EFHC1: variants seen among roughly 807,000 people sequenced by gnomAD.
EFHC1 encodes EF-hand domain-containing protein 1.
EFHC1 carries 53 observed loss-of-function variants against 69.9 expected under a neutral mutation model. The observed-to-expected ratio is 0.76, with a 90% CI of 0.61 to 0.95. EFHC1 has a LOEUF of 0.95. Among genes scored for constraint, EFHC1 ranks in the 40% least tolerant of loss-of-function variants. EFHC1 has a pLI of 0.00. For missense variants in EFHC1, 739 were observed against 798.7 expected (o/e 0.93, Z 0.90); for synonymous variants, 256 against 278.4 (o/e 0.92, Z 0.80).
intron 9 of EFHC1, chr6:52,485,686 CTT>C (rs1299170498): frequency 6.6e-6 from 1 of 152,196 alleles, no homozygotes; most frequent in Non-Finnish European, 1.5e-5. Context: ...CTCTCTCTCT[CTT>C]GCCTCTTCTC....
rs953684457 is a variant in EFHC1 at position 52,496,195 on chromosome 6, T to TACAC, written c.*3863_*3866dup. 2.0e-5 allele frequency: 3 copies of TACAC among 153,070 alleles called. No individual in the cohort carries two copies. The highest frequency in any genetic ancestry group is 6.0e-5 in the Admixed American group (1 of 16,800). 9.5% of individuals were successfully genotyped at this position (153,070 alleles called of 1,614,324 possible). On this transcript the variant is annotated 3_prime_UTR_variant, in exon 11 of 11. Transcript: ENST00000371068. ...CCACCAGGGAGTTGAAAGATTCTAA[T>TACAC]ACACACACACACCCACACACACACA...
In EFHC1 at chr6:52,464,930, C is replaced by G; in HGVS notation, c.952C>G (p.Gln318Glu). ...TCAGTGTGTGCTAGAAATCTCTGAC[C>G]AAGAAGTGTTGGAATGGTATACTGC... ...FPQCVLEISD[Q>E]EVLEWYTAKD... The change falls in exon 6 of 11, where the codon CAA becomes GAA. Residue 318 changes from glutamine to glutamate, a missense_variant. By Grantham distance (29) the Gln-to-Glu change is conservative. Transcript: ENST00000371068. 6.2e-7 allele frequency: 1 copy of G among 1,614,032 alleles called. No individual in the cohort carries two copies. Among genetic ancestry groups the G allele is most frequent in the Non-Finnish European group, 8.5e-7 (1 of 1,179,996 alleles).
At position 52,473,932 on chromosome 6, in the gene EFHC1, T is replaced by G. The variant is rs377519879; in HGVS notation, c.1278+4459T>G. ...TACAGAAATCAACCAAGATCTTATA[T>G]TCAGAATATATAAAGAACACTCTGA... On this transcript the variant is annotated intron_variant, in intron 7 of 10. Coordinates refer to ENST00000371068, the MANE Select transcript of EFHC1 (RefSeq NM_018100.4). Among the ~76,000 whole-genome samples the G allele has an allele frequency of 1.6e-4, 24 of 152,298 alleles. No homozygotes were observed. In the East Asian group the frequency reaches 3.1e-3, roughly 20 times the overall value.
At chr6:52,433,746 A>G (rs1329867888) in intron 2 of EFHC1, among the ~76,000 whole-genome samples, 3 of 152,148 alleles carry the variant, frequency 2.0e-5, no homozygotes, top group Non-Finnish European at 2.9e-5. Flanking sequence ...TCCCAAGAGT[A>G]TATGCCCTTT....
intron 2 of EFHC1, among the ~76,000 whole-genome samples, chr6:52,431,269 C>T (rs1358473432): frequency 6.6e-6 from 1 of 151,800 alleles, no homozygotes; most frequent in Non-Finnish European, 1.5e-5. Flanking sequence ...TCTTGTTTTT[C>T]TAGTTCCTTG....
In EFHC1 at chr6:52,494,870, C is replaced by T. The variant is rs879337030; in HGVS notation, c.*2529C>T. On this transcript the variant is annotated 3_prime_UTR_variant, in exon 11 of 11. Transcript: ENST00000371068. ...GCTGCATCCATGTTGCTGCAGAATACATGATTTCATTTTTTATGGCTGCGT... is the reference window on the plus strand; with the variant it reads ...GCTGCATCCATGTTGCTGCAGAATATATGATTTCATTTTTTATGGCTGCGT... 1.3e-5 allele frequency: 6 copies of T among 451,312 alleles called. No individual in the cohort carries two copies. The highest frequency in any genetic ancestry group is 2.2e-5 in the Non-Finnish European group (5 of 224,784). The allele number at this position is 451,312 out of a possible 1,614,324, so 28.0% of individuals were successfully genotyped here.
At chr6:52,463,317 C>T (rs1162701235) in intron 5 of EFHC1, among the ~76,000 whole-genome samples, 8 of 151,860 alleles carry the variant, frequency 5.3e-5, no homozygotes, top group Admixed American at 1.3e-4. Context: ...CCACTGTGCC[C>T]GGCCAAAACG....
chr6:52,460,465 C>T (rs990552410), intron 5 of EFHC1, among the ~76,000 whole-genome samples: 1 of 152,116 alleles, frequency 6.6e-6, no homozygotes, highest in Admixed American at 6.6e-5. Flanking sequence ...TGGGTAAATA[C>T]ATATGTCAAG....
intron 9 of EFHC1, chr6:52,484,238 C>A (rs954075063): frequency 1.3e-5 from 2 of 152,058 alleles, no homozygotes; most frequent in African/African-American, 4.8e-5. Context: ...CTCAAACTTC[C>A]GGGTCTTGAG....
In EFHC1 at chr6:52,494,461, T is replaced by C. The variant is rs1339805078; in HGVS notation, c.*2120T>C. The C allele has an allele frequency of 2.2e-6, 1 of 454,112 alleles. No homozygotes were observed. Among genetic ancestry groups the C allele is most frequent in the Non-Finnish European group, 4.4e-6 (1 of 226,784 alleles). The allele number at this position is 454,112 out of a possible 1,614,324, so 28.1% of individuals were successfully genotyped here. A position where few individuals can be genotyped will look rare whatever the true frequency, so the allele number is the denominator to read the frequency against. Reference sequence around the variant, plus strand: ...TAGCCCATGTAGGCTCTGGGAAAGGTTAAGCGGGTAGAAACCAGAGAAAAA... The same window carrying C: ...TAGCCCATGTAGGCTCTGGGAAAGGCTAAGCGGGTAGAAACCAGAGAAAAA... On this transcript the variant is annotated 3_prime_UTR_variant, in exon 11 of 11. Coordinates refer to ENST00000371068, the MANE Select transcript of EFHC1 (RefSeq NM_018100.4).
intron 3 of EFHC1, among the ~76,000 whole-genome samples, chr6:52,446,814 T>C (rs2113987459): frequency 6.6e-6 from 1 of 152,332 alleles, no homozygotes; most frequent in South Asian, 2.1e-4. Flanking sequence ...TCTCCTTCAC[T>C]TATGAAGCTT....
intron 7 of EFHC1, among the ~76,000 whole-genome samples, chr6:52,474,534 A>G (rs1214464134): frequency 6.6e-6 from 1 of 152,218 alleles, no homozygotes; most frequent in East Asian, 1.9e-4. Flanking sequence ...GGTGCAATAT[A>G]TGTTCACCAA....
intron 3 of EFHC1, among the ~76,000 whole-genome samples, chr6:52,441,418 G>A (rs1380530283): frequency 6.6e-6 from 1 of 152,128 alleles, no homozygotes; most frequent in Non-Finnish European, 1.5e-5. Flanking sequence ...TTATAGGTGT[G>A]TAGCCTTATT....
Position 52,465,022 on chromosome 6 carries a change from T to C in EFHC1, c.1044T>C (p.Asp348=), listed in dbSNP as rs781028408. ...LGRTFFIYDC[D]PFTRRYYKEK... is the part of the protein sequence containing the mutation. ...GAACTTTCTTCATTTATGATTGTGA[T>C]CCATTTACTCGACGGTATTACAAAG... The change falls in exon 6 of 11, where the codon GAT becomes GAC. Residue 348 remains aspartate (D), a synonymous_variant. Coordinates refer to ENST00000371068, the MANE Select transcript of EFHC1 (RefSeq NM_018100.4). 7 of 1,614,180 alleles carry C rather than the reference T, an allele frequency of 4.3e-6. No individual in the cohort carries two copies. The highest frequency in any genetic ancestry group is 5.9e-6 in the Non-Finnish European group (7 of 1,180,038).
intron 6 of EFHC1, 71 bp downstream of exon 6, chr6:52,465,186 C>T (rs1051652198): frequency 1.5e-5 from 19 of 1,294,898 alleles, no homozygotes; most frequent in South Asian, 2.5e-5. Context: ...GAAAAAAAGA[C>T]TTCTATGCAA....
chr6:52,435,585 T>G (rs1764515500), intron 2 of EFHC1, among the ~76,000 whole-genome samples: 1 of 152,210 alleles, frequency 6.6e-6, no homozygotes, highest in Non-Finnish European at 1.5e-5. Context: ...ACTTCCTTAC[T>G]ATCAATCCAG....
chr6:52,489,798 T>C (rs1765858079), intron 9 of EFHC1, among the ~76,000 whole-genome samples: 2 of 152,224 alleles, frequency 1.3e-5, no homozygotes, highest in African/African-American at 4.8e-5. Context: ...GAGGAAACAT[T>C]AATCTGCAAC....
chr6:52,438,493 C>T lies in EFHC1; in HGVS notation c.475C>T (p.Arg159Trp), dbSNP rs3804506. Residue 159 changes from arginine (R) to tryptophan (W), a missense_variant, in exon 3 of 11, where the codon CGG becomes TGG. Transcript: ENST00000371068. ...ACGCCAGCGGCTAGCCAAGAATGAC[C>T]GGGGTGACCATTACCATTGGAAAGA... The part of the protein sequence containing the change: ...IKRQRLAKND[R>W]GDHYHWKDLN... 181,436 of 1,613,778 alleles carry T rather than the reference C, an allele frequency of 0.11. 11,090 individuals carry two copies. The highest frequency in any genetic ancestry group is 0.23 in the Middle Eastern group (1,408 of 6,062).
chr6:52,471,810 G>T (rs1025617168), intron 7 of EFHC1, among the ~76,000 whole-genome samples: 2 of 152,100 alleles, frequency 1.3e-5, no homozygotes, highest in African/African-American at 4.8e-5. Context: ...GGAAGTTGCA[G>T]TGAGCCAAGA....
Sources: gnomAD v4.1 joint callset for allele counts (sites outside exome capture counted in the v4.1 genomes callset) on GRCh38, gnomAD v4.1.1 for gene constraint, MANE v1.5 for transcripts, NCBI Gene and HGNC (gene_info 2026-07-23, HGNC 2026-07-21) for gene names.